Variants in PCDH15 observed in about 807,000 individuals in gnomAD.
PCDH15 encodes the protein protocadherin-15.
PCDH15 carries 129 observed loss-of-function variants against 178.5 expected under a neutral mutation model. The observed-to-expected ratio is 0.72, with a 90% CI of 0.63 to 0.84. The LOEUF is 0.84. Ranked by LOEUF, PCDH15 falls within the 40% of genes least tolerant of loss-of-function variation. The probability of loss-of-function intolerance (pLI) is 0.00; values close to 1 mark genes in which losing one functional copy is unlikely to be tolerated. For missense variants in PCDH15, 2,230 were observed against 2,099.9 expected, an observed-to-expected ratio of 1.06 and a Z score of -1.21; for synonymous variants, 800 against 732.0, an observed-to-expected ratio of 1.09 and a Z score of -1.50.
At chr10:54,993,185 G>A (rs1026011825) in intron 2 of PCDH15, among the ~76,000 whole-genome samples, 3 of 152,078 alleles carry the variant, frequency 2.0e-5, no homozygotes, top group Non-Finnish European at 4.4e-5. Flanking sequence ...GGTCGATGAG[G>A]GAAATAGAAG....
intron 26 of PCDH15, among the ~76,000 whole-genome samples, chr10:53,870,027 T>C (rs1264723037): frequency 2.0e-5 from 3 of 152,202 alleles, no homozygotes; most frequent in African/African-American, 4.8e-5. Flanking sequence ...CACTATCACA[T>C]TTGGAAAAGA....
chr10:54,563,912 G>A (rs1378353465), intron 2 of PCDH15, among the ~76,000 whole-genome samples: 1 of 152,106 alleles, frequency 6.6e-6, no homozygotes, highest in Non-Finnish European at 1.5e-5. Flanking sequence ...ATTCGACTTC[G>A]ACTGGTTGCC....
At chr10:53,893,751 C>G (rs574889401) in intron 26 of PCDH15, among the ~76,000 whole-genome samples, 1 of 151,996 alleles carries the variant, frequency 6.6e-6, no homozygotes, top group Non-Finnish European at 1.5e-5. Flanking sequence ...GCTATGAGGA[C>G]GCAAAGGCAT....
At chr10:54,533,005 G>A (rs11004351) in intron 2 of PCDH15, among the ~76,000 whole-genome samples, 1 of 152,062 alleles carries the variant, frequency 6.6e-6, no homozygotes, top group Non-Finnish European at 1.5e-5. Flanking sequence ...ATGCCCTGAG[G>A]TACTGGGCTA....
intron 5 of PCDH15, among the ~76,000 whole-genome samples, chr10:54,363,466 T>C (rs1388044755): frequency 6.6e-6 from 1 of 152,192 alleles, no homozygotes; most frequent in Non-Finnish European, 1.5e-5. Context: ...GAAATGTTTT[T>C]AAGAAAGACA....
At chr10:55,559,772 T>G (rs1468927265) in intron 2 of PCDH15, among the ~76,000 whole-genome samples, 4 of 151,950 alleles carry the variant, frequency 2.6e-5, no homozygotes, top group Non-Finnish European at 5.9e-5. Context: ...GATGTGAAAG[T>G]GTGCATCTCC....
At chr10:54,580,734 C>T (rs1223961774) in intron 2 of PCDH15, among the ~76,000 whole-genome samples, 1 of 151,930 alleles carries the variant, frequency 6.6e-6, no homozygotes, top group Non-Finnish European at 1.5e-5. Flanking sequence ...AACAGCACAT[C>T]AAATAGCTAT....
rs1414717047 is a variant in PCDH15, at chr10:53,999,726, T to C, written c.2752-3961A>G. 2.6e-5 allele frequency among the ~76,000 whole-genome samples: 4 copies of C among 152,166 alleles called. No individual in the cohort carries two copies. The East Asian group carries it at 7.7e-4, about 29-fold the overall frequency. ...GAACACAAGGTAGAATTCTAAGGTT[T>C]TGACTTCCAGACGGTAACTTTGAAC... On this transcript the variant is annotated intron_variant, in intron 20 of 37. Coordinates refer to ENST00000644397, the MANE Select transcript of PCDH15 (RefSeq NM_001384140.1).
chr10:54,662,733 T>C (rs1482455051), intron 2 of PCDH15, among the ~76,000 whole-genome samples: 1 of 152,006 alleles, frequency 6.6e-6, no homozygotes, highest in African/African-American at 2.4e-5. Flanking sequence ...GTGAATACTT[T>C]CCTGCTCAGT....
At position 55,198,115 on chromosome 10, in the gene PCDH15, G is replaced by A. The variant is rs141348105; in HGVS notation, c.-155-31464C>T. On this transcript the variant is annotated intron_variant, in intron 1 of 5. Transcript: ENST00000458638. ...AAACAACGATCTGCAAATCATGGTT[G>A]GTTATGAAGTGTCTTGCAAGTAATA... Among the ~76,000 whole-genome samples the A allele has an allele frequency of 8.6e-4, 131 of 152,180 alleles. 1 individual carries two copies. Among genetic ancestry groups the A allele is most frequent in the African/African-American group, 2.8e-3 (117 of 41,486 alleles).
intron 25 of PCDH15, among the ~76,000 whole-genome samples, chr10:53,930,254 C>A (rs527472912): frequency 6.6e-6 from 1 of 151,722 alleles, no homozygotes; most frequent in Admixed American, 6.6e-5. Context: ...GTCAGGAGAT[C>A]GAGATCATCC....
At chr10:55,249,851 A>G (rs1841787635) in intron 1 of PCDH15, among the ~76,000 whole-genome samples, 1 of 151,994 alleles carries the variant, frequency 6.6e-6, no homozygotes, top group African/African-American at 2.4e-5. Flanking sequence ...TTTCTGGTTT[A>G]TTCATAATTT....
intron 2 of PCDH15, among the ~76,000 whole-genome samples, chr10:54,921,863 C>T (rs1179381136): frequency 6.6e-6 from 1 of 152,140 alleles, no homozygotes; most frequent in African/African-American, 2.4e-5. Context: ...CCTCGGGAAA[C>T]TTACAACCAT....
chr10:55,197,981 T>A (rs1840140989), intron 1 of PCDH15, among the ~76,000 whole-genome samples: 1 of 152,120 alleles, frequency 6.6e-6, no homozygotes, highest in African/African-American at 2.4e-5. Flanking sequence ...TGCTGAATAT[T>A]CAGACATCTA....
At chr10:54,267,929 T>C (rs10825290) in intron 8 of PCDH15, among the ~76,000 whole-genome samples, 106,709 of 151,688 alleles carry the variant, frequency 0.7, 38,424 homozygotes, top group Middle Eastern at 0.77. Context: ...GAAAATTGAT[T>C]CTAAAATTTA....
intron 1 of PCDH15, among the ~76,000 whole-genome samples, chr10:54,756,231 C>G (rs1162849247): frequency 1.3e-5 from 2 of 151,924 alleles, no homozygotes; most frequent in Non-Finnish European, 2.9e-5. Context: ...GCCTGGGTGA[C>G]AGAGACAGAC....
At chr10:55,191,215 T>TA (rs397976013) in intron 1 of PCDH15, among the ~76,000 whole-genome samples, 1 of 148,092 alleles carries the variant, frequency 6.8e-6, no homozygotes, top group African/African-American at 2.4e-5. Flanking sequence ...GATTTTTTTT[T>TA]ATTTTTGTGA....
At chr10:54,383,619 A>ATATG (rs1554943458) in intron 3 of PCDH15, among the ~76,000 whole-genome samples, 2,022 of 23,736 alleles carry the variant, frequency 0.085, 36 homozygotes, top group Non-Finnish European at 0.14. Flanking sequence ...CATGCCGTGT[A>ATATG]TGTGTGTTTT....
intron 2 of PCDH15, among the ~76,000 whole-genome samples, chr10:55,113,999 A>C (rs1358641737): frequency 6.6e-6 from 1 of 152,002 alleles, no homozygotes; most frequent in African/African-American, 2.4e-5. Flanking sequence ...CCCAGGCTGG[A>C]GTGCAGTGGC....
Sources: allele counts gnomAD v4.1 joint callset (sites outside exome capture counted in the v4.1 genomes callset), GRCh38; gene constraint gnomAD v4.1.1; transcripts MANE v1.5; gene names NCBI Gene and HGNC (gene_info 2026-07-23, HGNC 2026-07-21).